Variants in XIST observed in about 807,000 individuals in gnomAD.
XIST encodes X inactive specific transcript (non-protein coding).
chrX:73,845,559 G>A, exon 1 of XIST: 1 of 556,507 alleles, frequency 1.8e-6, no homozygotes, highest in South Asian at 2.2e-5. Flanking sequence ...CACAGAAACT[G>A]GGATAAATAT....
intron 1 of XIST, among the ~76,000 whole-genome samples, chrX:73,841,080 G>A (rs1040020619): frequency 5.4e-5 from 6 of 111,377 alleles, no homozygotes; most frequent in African/African-American, 1.6e-4. Context: ...GCTCCTCAAC[G>A]ATAAAATCAT....
At chrX:73,848,308 G>A (rs757437681) in exon 1 of XIST, 5 of 555,631 alleles carry the variant, frequency 9.0e-6, no homozygotes, top group Non-Finnish European at 1.3e-5. Flanking sequence ...AATTTCTGGA[G>A]GAGGGGCATT....
exon 6 of XIST, chrX:73,820,692 C>A: frequency 1.9e-6 from 1 of 538,910 alleles, no homozygotes; most frequent in Non-Finnish European, 3.3e-6. Flanking sequence ...CAATAGCAAC[C>A]AACTCCCCAG....
chrX:73,824,054 T>C (rs1451291177), exon 6 of XIST: 7 of 555,252 alleles, frequency 1.3e-5, no homozygotes. Flanking sequence ...AGTTGTTATC[T>C]CTAAGGATAA....
At chrX:73,824,057 A>G in exon 6 of XIST, 1 of 555,007 alleles carries the variant, frequency 1.8e-6, no homozygotes, top group Non-Finnish European at 3.3e-6. Context: ...TGTTATCTCT[A>G]AGGATAAGAG....
At chrX:73,849,937 C>T in exon 1 of XIST, 1 of 552,399 alleles carries the variant, frequency 1.8e-6, no homozygotes, top group Non-Finnish European at 3.3e-6. Flanking sequence ...GGGAGCAGGG[C>T]TGGGGAGGAA....
chrX:73,846,538 C>A, exon 1 of XIST: 1 of 559,096 alleles, frequency 1.8e-6, no homozygotes, highest in Non-Finnish European at 3.2e-6. Flanking sequence ...ACCTTATTCA[C>A]ATGGAATGAG....
chrX:73,845,269 TG>T (rs1922718148), exon 1 of XIST: 1 of 547,917 alleles, frequency 1.8e-6, no homozygotes, highest in Admixed American at 2.3e-5. Context: ...ACACAGGAAC[TG>T]GAACAAATAT....
At position 73,850,823 on chromosome X, in the gene XIST, G is replaced by A. The variant is rs753323935; in HGVS notation, n.1901C>T. 9.8e-6 allele frequency: 5 copies of A among 511,842 alleles called. No homozygotes were observed. The East Asian group carries it at 1.1e-4, about 11-fold the overall frequency. The allele number at this position is 511,842 out of a possible 1,213,427, so 42.2% of individuals were successfully genotyped here. A position where few individuals can be genotyped will look rare whatever the true frequency, so the allele number is the denominator to read the frequency against. On this transcript the variant is annotated non_coding_transcript_exon_variant, in exon 1 of 6. Transcript: ENST00000429829. ...CACCAATACAGAGGAATGGAGGGAGGTTCAGACCACACAGCCAGATATCCA... is the reference window on the plus strand; with the variant it reads ...CACCAATACAGAGGAATGGAGGGAGATTCAGACCACACAGCCAGATATCCA...
chrX:73,827,476 A>G (rs760757083), exon 6 of XIST: 1 of 538,245 alleles, frequency 1.9e-6, no homozygotes. Flanking sequence ...ACAAACAGCA[A>G]GAGATGCTGA....
intron 3 of XIST, among the ~76,000 whole-genome samples, chrX:73,833,057 T>G (rs1327356368): frequency 9.1e-6 from 1 of 109,840 alleles, no homozygotes; most frequent in Non-Finnish European, 1.9e-5. Flanking sequence ...AATTTTATTT[T>G]ATTGTAGAGA....
exon 1 of XIST, chrX:73,849,918 G>A (rs1381328043): frequency 3.7e-6 from 2 of 541,946 alleles, no homozygotes; most frequent in Admixed American, 2.4e-5. Flanking sequence ...GCTAGACTAG[G>A]GGTTTGCTGG....
chrX:73,822,859 T>A (rs761316837), exon 6 of XIST: 2 of 558,734 alleles, frequency 3.6e-6, no homozygotes, highest in Non-Finnish European at 6.5e-6. Context: ...TTCCTTAGTA[T>A]CGAACATATC....
chrX:73,847,404 CTT>C (rs748433893), exon 1 of XIST: 328 of 481,285 alleles, frequency 6.8e-4, no homozygotes, highest in Admixed American at 2.1e-3. Flanking sequence ...AATTGTCTTA[CTT>C]TTTTTTTTTT....
At chrX:73,822,430 T>C (rs1026007057) in exon 6 of XIST, 1 of 513,184 alleles carries the variant, frequency 1.9e-6, no homozygotes, top group African/African-American at 2.3e-5. Context: ...TGGGAAGGCA[T>C]GCATTTTTTT....
exon 1 of XIST, chrX:73,850,755 G>T (rs1922911566): frequency 1.1e-5 from 3 of 270,747 alleles, no homozygotes; most frequent in Admixed American, 3.8e-5. Flanking sequence ...GAGTTGGGGG[G>T]GTTGGGGGGT....
chrX:73,852,692 A>G (rs1214833094), exon 1 of XIST: 7 of 448,002 alleles, frequency 1.6e-5, no homozygotes, highest in South Asian at 1.1e-4. Flanking sequence ...GGAAGCTTCC[A>G]GCCCCGAGAG....
chrX:73,834,294 A>C (rs1246173806), intron 2 of XIST, among the ~76,000 whole-genome samples: 1 of 112,782 alleles, frequency 8.9e-6, no homozygotes, highest in Non-Finnish European at 1.9e-5. Flanking sequence ...CTGGCATCTA[A>C]AAGGGAACAA....
At chrX:73,826,717 C>T (rs773250054) in exon 6 of XIST, 23 of 556,983 alleles carry the variant, frequency 4.1e-5, no homozygotes, top group Admixed American at 2.2e-4. Flanking sequence ...CTCCAGATTC[C>T]GGCCGTTAGT....
Sources: allele counts gnomAD v4.1 joint callset (sites outside exome capture counted in the v4.1 genomes callset), GRCh38; gene constraint gnomAD v4.1.1; transcripts MANE v1.5; gene names NCBI Gene and HGNC (gene_info 2026-07-23, HGNC 2026-07-21).